MTMR1: variants seen among roughly 807,000 people sequenced by gnomAD.
MTMR1 encodes phosphatidylinositol-3-phosphate phosphatase MTMR1.
A neutral mutation model predicts 51.6 loss-of-function variants in MTMR1; 17 were observed. The observed-to-expected ratio is 0.33, with a 90% CI of 0.23 to 0.49. MTMR1 has a LOEUF of 0.49. MTMR1 is among the 20% of genes least tolerant of loss of function. The pLI, the probability that MTMR1 is intolerant of heterozygous loss-of-function variation, is 0.99. For missense variants in MTMR1, 386 were observed against 526.9 expected (o/e 0.73, Z 2.62); for synonymous variants, 201 against 205.6 (o/e 0.98, Z 0.19).
rs782231372 is a variant in MTMR1 at position 150,759,950 on chromosome X, C to T, written c.1858-2615C>T. Among the ~76,000 whole-genome samples, 20 of 109,402 alleles carry T rather than the reference C, an allele frequency of 1.8e-4. 1 individual carries two copies. Among genetic ancestry groups the T allele is most frequent in the Non-Finnish European group, 3.3e-4 (17 of 51,378 alleles). ...GGATGCCCCCGACAGGGCCAGATCC[C>T]GTCTCTGGCAGTGACTCACCGCCTG... On this transcript the variant is annotated intron_variant, in intron 15 of 15. Coordinates refer to ENST00000445323, the MANE Select transcript of MTMR1 (RefSeq NM_001306144.3).
intron 4 of MTMR1, among the ~76,000 whole-genome samples, chrX:150,719,397 CG>C (rs782061148): frequency 2.7e-5 from 3 of 111,918 alleles, no homozygotes; most frequent in Admixed American, 9.4e-5. Flanking sequence ...ATTTGAGTAG[CG>C]GGGCTCTCCC....
chrX:150,699,295 T>G lies in MTMR1; in HGVS notation c.247T>G (p.Tyr83Asp), dbSNP rs782027425. The G allele has an allele frequency of 5.1e-6, 6 of 1,166,496 alleles. No individual in the cohort carries two copies. The highest frequency in any genetic ancestry group is 7.0e-6 in the Non-Finnish European group (6 of 861,937). Residue 83 changes from tyrosine (Y) to aspartate (D), a missense_variant, in exon 2 of 16, where the codon TAC (tyrosine) becomes GAC (aspartate). Tyr to Asp is a radical substitution (Grantham distance 160). Transcript: ENST00000445323. The part of the protein sequence containing the change: ...SVTSENVSRD[Y>D]KVFRRPDLRA... The stretch of plus-strand genomic sequence containing the variant: ...GACATCAGAAAATGTGTCCAGAGAT[T>G]ACAAGGTAAGCAACATTGAGTGTTT...
chrX:150,715,905 G>T (rs1244124687), intron 3 of MTMR1, among the ~76,000 whole-genome samples: 1 of 112,476 alleles, frequency 8.9e-6, no homozygotes, highest in Non-Finnish European at 1.9e-5. Context: ...GGGAAGAGAA[G>T]AGAAATGCTT....
In MTMR1 at chrX:150,732,778, G is replaced by C. The variant is rs369064290; in HGVS notation, c.1080+48G>C. ...GAAACACTGGATATTTTCATGTCCT[G>C]TCTGTAAATCATTATGCAGTTGGAA... On this transcript the variant is annotated intron_variant, in intron 10 of 15. Coordinates refer to ENST00000445323, the MANE Select transcript of MTMR1 (RefSeq NM_001306144.3). 8.3e-6 allele frequency: 9 copies of C among 1,078,634 alleles called. No individual in the cohort carries two copies. In the East Asian group the frequency reaches 9.4e-5, roughly 11 times the overall value. The allele number at this position is 1,078,634 out of a possible 1,213,427, so 88.9% of individuals were successfully genotyped here. A position where few individuals can be genotyped will look rare whatever the true frequency, so the allele number is the denominator to read the frequency against.
At chrX:150,697,660 C>T (rs1423835184) in intron 1 of MTMR1, among the ~76,000 whole-genome samples, 1 of 111,569 alleles carries the variant, frequency 9.0e-6, no homozygotes, top group Non-Finnish European at 1.9e-5. Context: ...ACTTGCCAGT[C>T]GTGTGACCTT....
At chrX:150,710,374 GTT>G (rs1199407338) in intron 2 of MTMR1, among the ~76,000 whole-genome samples, 16 of 111,203 alleles carry the variant, frequency 1.4e-4, no homozygotes, top group African/African-American at 5.2e-4. Context: ...GTTTTGTTCT[GTT>G]TTTTTGAGAC....
At chrX:150,723,333 A>G (rs1191428764) in intron 4 of MTMR1, among the ~76,000 whole-genome samples, 2 of 111,266 alleles carry the variant, frequency 1.8e-5, no homozygotes, top group African/African-American at 6.6e-5. Context: ...ATGTGTCTTT[A>G]TAGCAGCATG....
intron 12 of MTMR1, among the ~76,000 whole-genome samples, chrX:150,740,937 G>GGA (rs1449734468): frequency 9.0e-6 from 1 of 111,064 alleles, no homozygotes; most frequent in African/African-American, 3.3e-5. Context: ...CCCCATCCAA[G>GGA]GAGGGATTAA....
At chrX:150,726,997 C>T (rs1159761550) in intron 4 of MTMR1, 2 of 267,073 alleles carry the variant, frequency 7.5e-6, no homozygotes, top group Non-Finnish European at 1.3e-5. Flanking sequence ...TTACTTAAAA[C>T]CTCATTAAGT....
In MTMR1 at chrX:150,760,422, T is replaced by G. The variant is rs2043073996; in HGVS notation, c.1858-2143T>G. On this transcript the variant is annotated intron_variant, in intron 15 of 15. Coordinates refer to ENST00000445323, the MANE Select transcript of MTMR1 (RefSeq NM_001306144.3). ...ATTGGCTGCCGAGAAAGGGGTTCTT[T>G]GGGCATCCATCAGAGGATGGCTGGG... Among the ~76,000 whole-genome samples, 3 of 111,554 alleles carry G rather than the reference T, an allele frequency of 2.7e-5. No individual in the cohort carries two copies. In the South Asian group the frequency reaches 1.1e-3, roughly 43 times the overall value.
chrX:150,714,515 G>A, intron 3 of MTMR1: 1 of 982,004 alleles, frequency 1.0e-6, no homozygotes, highest in African/African-American at 2.0e-5. Context: ...CCCTTCTGAA[G>A]CTGAAGCTGA....
intron 4 of MTMR1, among the ~76,000 whole-genome samples, chrX:150,725,806 A>T (rs959524944): frequency 1.8e-5 from 2 of 110,752 alleles, no homozygotes. Flanking sequence ...TTGCCAATCC[A>T]CTCCCTGCCA....
At position 150,750,839 on chromosome X, in the gene MTMR1, A is replaced by G; in HGVS notation, c.1676A>G (p.Lys559Arg). The change falls in exon 14 of 16, where the codon AAA becomes AGA. Residue 559 changes from lysine (K) to arginine (R), a missense_variant. By Grantham distance (26) the Lys-to-Arg change is conservative (BLOSUM62 2). Transcript: ENST00000445323. Reference protein sequence around the residue: ...FLCNCEQQRFKEDVYTKTISL... With the variant: ...FLCNCEQQRFREDVYTKTISL... Reference sequence around the variant, plus strand: ...TGCAACTGTGAACAGCAGCGATTCAAAGAGGTGAGTATGCTGCATCCTTGT... The same window carrying G: ...TGCAACTGTGAACAGCAGCGATTCAGAGAGGTGAGTATGCTGCATCCTTGT... 8.4e-7 allele frequency: 1 copy of G among 1,184,900 alleles called. No individual in the cohort carries two copies. Among genetic ancestry groups the G allele is most frequent in the Non-Finnish European group, 1.1e-6 (1 of 872,343 alleles).
At chrX:150,750,098 C>A (rs1360755175) in intron 13 of MTMR1, among the ~76,000 whole-genome samples, 1 of 108,349 alleles carries the variant, frequency 9.2e-6, no homozygotes, top group East Asian at 2.9e-4. Flanking sequence ...GCACTCCAGC[C>A]TGGGGGACAG....
At chrX:150,697,582 A>G (rs1396636805) in intron 1 of MTMR1, among the ~76,000 whole-genome samples, 1 of 111,314 alleles carries the variant, frequency 9.0e-6, no homozygotes, top group Non-Finnish European at 1.9e-5. Flanking sequence ...TCTGGGGGCA[A>G]TTGTTAAATC....
At chrX:150,697,854 C>T (rs782508374) in intron 1 of MTMR1, among the ~76,000 whole-genome samples, 1 of 111,922 alleles carries the variant, frequency 8.9e-6, no homozygotes, top group East Asian at 2.8e-4. Context: ...GGCTTCAGTG[C>T]AGTGAGTCAG....
intron 3 of MTMR1, among the ~76,000 whole-genome samples, chrX:150,713,696 A>G (rs982402590): frequency 3.6e-5 from 4 of 111,827 alleles, no homozygotes; most frequent in Non-Finnish European, 7.5e-5. Flanking sequence ...TAAAAAGCCC[A>G]ATTTTTAAAG....
chrX:150,737,461 AGT>A lies in MTMR1; in HGVS notation c.1473+15_1473+16del, dbSNP rs782016316. ...CAGGTTTGCACTGGTAAGTTCAGACAGTGAGGTTTATGCTGGACTGTTTTGCG... is the reference window on the plus strand; with the variant it reads ...CAGGTTTGCACTGGTAAGTTCAGACAGAGGTTTATGCTGGACTGTTTTGCG... On this transcript the variant is annotated intron_variant, in intron 12 of 15. Transcript: ENST00000445323. The A allele has an allele frequency of 5.0e-6, 6 of 1,194,084 alleles. No individual in the cohort carries two copies. Among genetic ancestry groups the A allele is most frequent in the Non-Finnish European group, 6.8e-6 (6 of 880,845 alleles).
At chrX:150,752,946 T>C (rs1352446706) in intron 14 of MTMR1, among the ~76,000 whole-genome samples, 1 of 110,694 alleles carries the variant, frequency 9.0e-6, no homozygotes, top group East Asian at 2.8e-4. Context: ...CTGGCCTAAG[T>C]TTATAAAATT....
Sources: allele counts gnomAD v4.1 joint callset (sites outside exome capture counted in the v4.1 genomes callset), GRCh38; gene constraint gnomAD v4.1.1; transcripts MANE v1.5; gene names NCBI Gene and HGNC (gene_info 2026-07-23, HGNC 2026-07-21).